The following DISC1 variants were observed in gnomAD, a reference collection of about 807,000 sequenced individuals.
The protein encoded by DISC1 is DISC1 scaffold protein.
In DISC1, 57 loss-of-function variants were observed where a neutral mutation model predicts 84.5. That is an observed-to-expected ratio of 0.67 (90% CI 0.55 to 0.84). The LOEUF (loss-of-function observed/expected upper bound fraction) is 0.84, where lower values mean the gene tolerates loss of function less well. Among genes scored for constraint, DISC1 ranks in the 40% least tolerant of loss-of-function variants. The pLI is 0.00. For synonymous variants in DISC1, 411 were observed against 415.2 expected, an observed-to-expected ratio of 0.99 and a Z score of 0.12; for missense variants, 1,000 against 1,057.8, an observed-to-expected ratio of 0.95 and a Z score of 0.76.
At chr1:231,825,910 G>A (rs2081830906) in intron 9 of DISC1, among the ~76,000 whole-genome samples, 1 of 152,166 alleles carries the variant, frequency 6.6e-6, no homozygotes. Flanking sequence ...GCTCTTTACT[G>A]TGTATATTCA....
At position 231,635,189 on chromosome 1, in the gene DISC1, G is replaced by T. The variant is rs188226616; in HGVS notation, c.67+8255G>T. Among the ~76,000 whole-genome samples the T allele has an allele frequency of 8.7e-4, 133 of 152,110 alleles. 1 individual carries two copies. The highest frequency in any genetic ancestry group is 3.1e-3 in the African/African-American group (127 of 41,494). The stretch of plus-strand genomic sequence containing the variant: ...GACAGTCCTCACAAAGCACAGATCT[G>T]ATTGGGTTATTGTTCCTCTGTGGAA... On this transcript the variant is annotated intron_variant, in intron 1 of 12. Coordinates refer to ENST00000439617, the MANE Select transcript of DISC1 (RefSeq NM_018662.3).
chr1:231,750,030 C>G lies in DISC1; in HGVS notation c.1222C>G (p.Leu408Val). 1 of 1,614,228 alleles carries G rather than the reference C, an allele frequency of 6.2e-7. No homozygotes were observed. The highest frequency in any genetic ancestry group is 1.1e-5 in the South Asian group (1 of 91,086). Residue 408 changes from leucine (L) to valine (V), a missense_variant, in exon 4 of 13, where the codon CTG becomes GTG. Physicochemically the swap from Leu to Val is conservative, Grantham distance 32 (BLOSUM62 1). Transcript: ENST00000439617. ...QPALSSFLGH[L>V]AAQVQAALRR... ...AGCTCTTAGCAGTTTCCTGGGTCAC[C>G]TGGCAGCACAAGTCCAGGCTGCCTT...
At chr1:231,864,254 ACATCAGG>A (rs1483359633) in intron 9 of DISC1, among the ~76,000 whole-genome samples, 3 of 152,068 alleles carry the variant, frequency 2.0e-5, no homozygotes, top group Non-Finnish European at 4.4e-5. Flanking sequence ...TTTTTTTCCT[ACATCAGG>A]CTTCCCTATA....
At chr1:231,987,067 A>G (rs1290512405) in intron 10 of DISC1, among the ~76,000 whole-genome samples, 3 of 152,160 alleles carry the variant, frequency 2.0e-5, no homozygotes, top group African/African-American at 7.2e-5. Context: ...CGGTTGTGCA[A>G]TCGTTCTCCC....
chr1:231,712,820 A>G (rs1437929675), intron 3 of DISC1, among the ~76,000 whole-genome samples: 1 of 152,222 alleles, frequency 6.6e-6, no homozygotes, highest in African/African-American at 2.4e-5. Context: ...ACAAACTGCA[A>G]AAACCTGGGG....
chr1:231,930,301 A>G (rs2090581330), intron 9 of DISC1, among the ~76,000 whole-genome samples: 1 of 152,086 alleles, frequency 6.6e-6, no homozygotes, highest in South Asian at 2.1e-4. Flanking sequence ...GGGTAGCCCG[A>G]TGCAGTGGGA....
chr1:231,771,865 A>G (rs1212678972), intron 6 of DISC1, among the ~76,000 whole-genome samples: 1 of 152,082 alleles, frequency 6.6e-6, no homozygotes, highest in African/African-American at 2.4e-5. Context: ...GCACAGTGGC[A>G]CAATCATGGC....
chr1:232,011,816 CG>C (rs141527352), intron 11 of DISC1, among the ~76,000 whole-genome samples: 4,627 of 152,026 alleles, frequency 0.03, 227 homozygotes, highest in African/African-American at 0.11. Flanking sequence ...ATTTAAAAAC[CG>C]GGCTATAGAT....
intron 4 of DISC1, among the ~76,000 whole-genome samples, chr1:231,759,216 A>G (rs1200192348): frequency 6.6e-6 from 1 of 152,070 alleles, no homozygotes; most frequent in Non-Finnish European, 1.5e-5. Flanking sequence ...GTGATTCTTT[A>G]TTTCCCTTTG....
rs1188207684 is a variant in DISC1 at position 231,954,421 on chromosome 1, A to T, written c.1982-4407A>T. On this transcript the variant is annotated intron_variant, in intron 9 of 12. Coordinates refer to ENST00000439617, the MANE Select transcript of DISC1 (RefSeq NM_018662.3). The surrounding 1 kb of genome is among the most constrained non-coding windows in gnomAD (Gnocchi z 4.8). ...TTAATCCAAGTTTTTGTTTAATTGG[A>T]TTCATCAAACTAATTGTATGAATTC... Among the ~76,000 whole-genome samples, 1 of 152,160 alleles carries T rather than the reference A, an allele frequency of 6.6e-6. No individual in the cohort carries two copies. The highest frequency in any genetic ancestry group is 6.5e-5 in the Admixed American group (1 of 15,276).
At chr1:231,641,809 C>G (rs1043094257) in intron 1 of DISC1, among the ~76,000 whole-genome samples, 1 of 152,216 alleles carries the variant, frequency 6.6e-6, no homozygotes, top group African/African-American at 2.4e-5. Flanking sequence ...AGGGTGCTGA[C>G]TGGTGTTTTT....
At chr1:231,775,445 C>A (rs77930366) in intron 6 of DISC1, among the ~76,000 whole-genome samples, 27,555 of 152,080 alleles carry the variant, frequency 0.18, 3,023 homozygotes, top group African/African-American at 0.3. Flanking sequence ...CAGTGATTTT[C>A]GGTTTGGGTG....
intron 10 of DISC1, among the ~76,000 whole-genome samples, chr1:231,967,521 T>C (rs1030374370): frequency 2.6e-5 from 4 of 152,202 alleles, no homozygotes; most frequent in African/African-American, 9.6e-5. Context: ...GTGCACACAG[T>C]TTAAATTAGA....
intron 9 of DISC1, among the ~76,000 whole-genome samples, chr1:231,919,685 G>A (rs1231804257): frequency 6.6e-6 from 1 of 152,134 alleles, no homozygotes; most frequent in Non-Finnish European, 1.5e-5. Flanking sequence ...GCCAAAATGA[G>A]TTCTGTTAGG....
chr1:231,729,173 A>T (rs2071176081), intron 3 of DISC1, among the ~76,000 whole-genome samples: 1 of 152,232 alleles, frequency 6.6e-6, no homozygotes, highest in Non-Finnish European at 1.5e-5. Context: ...ACACAAACTC[A>T]ACCTTTTTTA....
intron 9 of DISC1, among the ~76,000 whole-genome samples, chr1:231,952,447 T>C (rs821586): frequency 0.04 from 6,131 of 152,102 alleles, 402 homozygotes; most frequent in African/African-American, 0.14. Flanking sequence ...AGAAATCCTC[T>C]CTTGAGAGTT....
At chr1:231,761,156 C>T (rs1558495656) in intron 4 of DISC1, among the ~76,000 whole-genome samples, 1 of 152,158 alleles carries the variant, frequency 6.6e-6, no homozygotes. Context: ...ACCTGTATGA[C>T]ACTGTGGGTT....
intron 1 of DISC1, among the ~76,000 whole-genome samples, chr1:231,634,072 C>T (rs747594695): frequency 1.2e-4 from 19 of 152,016 alleles, no homozygotes; most frequent in Non-Finnish European, 2.4e-4. Context: ...TTAGTAGAGA[C>T]AGAGTTTCAC....
chr1:232,002,115 C>T (rs1480166988), intron 10 of DISC1, among the ~76,000 whole-genome samples: 2 of 151,782 alleles, frequency 1.3e-5, no homozygotes, highest in African/African-American at 2.4e-5. Flanking sequence ...CAAAGAAGCA[C>T]GTGAAAAGAT....
Sources: allele counts gnomAD v4.1 joint callset (sites outside exome capture counted in the v4.1 genomes callset), GRCh38; gene constraint gnomAD v4.1.1; non-coding constraint Gnocchi (gnomAD v3.1); transcripts MANE v1.5; gene names NCBI Gene and HGNC (gene_info 2026-07-23, HGNC 2026-07-21).